GALNTL6: variants seen among roughly 807,000 people sequenced by gnomAD.
GALNTL6 encodes polypeptide N-acetylgalactosaminyltransferase-like 6.
In GALNTL6, 46 loss-of-function variants were observed where a neutral mutation model predicts 73.7. That is an observed-to-expected ratio of 0.62 (90% CI 0.49 to 0.80). The LOEUF (loss-of-function observed/expected upper bound fraction) is 0.80, where lower values mean the gene tolerates loss of function less well. Among genes scored for constraint, GALNTL6 ranks in the 30% least tolerant of loss-of-function variants. The probability of loss-of-function intolerance (pLI) is 0.00; values close to 1 mark genes in which losing one functional copy is unlikely to be tolerated. For missense variants in GALNTL6, 604 were observed against 755.0 expected, an observed-to-expected ratio of 0.80 and a Z score of 2.34; for synonymous variants, 259 against 263.7, an observed-to-expected ratio of 0.98 and a Z score of 0.17.
At chr4:172,345,277 AAGG>A (rs1312948328) in intron 4 of GALNTL6, among the ~76,000 whole-genome samples, 21 of 152,162 alleles carry the variant, frequency 1.4e-4, no homozygotes, top group African/African-American at 5.1e-4. Flanking sequence ...ATGAAATAGT[AAGG>A]AGTTTATAAT....
intron 11 of GALNTL6, among the ~76,000 whole-genome samples, chr4:173,016,596 A>G (rs1419172484): frequency 6.6e-6 from 1 of 152,206 alleles, no homozygotes; most frequent in Non-Finnish European, 1.5e-5. Flanking sequence ...TTTCTCCCAT[A>G]TGGAATGGCT....
chr4:172,550,694 C>T (rs10024704), intron 5 of GALNTL6, among the ~76,000 whole-genome samples: 6,811 of 152,220 alleles, frequency 0.045, 482 homozygotes, highest in African/African-American at 0.15. Flanking sequence ...AACTCCTGGG[C>T]TCCAGCCATC....
intron 2 of GALNTL6, among the ~76,000 whole-genome samples, chr4:172,046,845 C>A (rs775789332): frequency 6.6e-6 from 1 of 152,038 alleles, no homozygotes; most frequent in Non-Finnish European, 1.5e-5. Flanking sequence ...TAATTATTTT[C>A]TTTGCAGTGC....
chr4:172,831,107 GAGA>G (rs929599744), intron 7 of GALNTL6, among the ~76,000 whole-genome samples: 4 of 136,054 alleles, frequency 2.9e-5, no homozygotes, highest in Non-Finnish European at 4.6e-5. Flanking sequence ...GCAGTGAGCG[GAGA>G]TCGCACCACT....
At chr4:172,073,704 G>A (rs572650992) in intron 2 of GALNTL6, among the ~76,000 whole-genome samples, 6 of 152,212 alleles carry the variant, frequency 3.9e-5, no homozygotes, top group Non-Finnish European at 8.8e-5. Context: ...TTAAGTACAG[G>A]ATAATCCATT....
chr4:173,009,123 C>A lies in GALNTL6; in HGVS notation c.1372-55C>A. 2.6e-6 allele frequency: 3 copies of A among 1,133,116 alleles called. 1 individual carries two copies. The highest frequency in any genetic ancestry group is 2.5e-5 in the South Asian group (2 of 81,130). 70.2% of individuals were successfully genotyped at this position (1,133,116 alleles called of 1,614,324 possible). On this transcript the variant is annotated intron_variant, in intron 10 of 12. Transcript: ENST00000506823. Reference sequence around the variant, plus strand: ...TAATCTACACCATGGTTGTTAGGAGCCAATGATAAAATACGACATAGCCCC... The same window carrying A: ...TAATCTACACCATGGTTGTTAGGAGACAATGATAAAATACGACATAGCCCC...
At chr4:172,078,422 A>C (rs1040669357) in intron 2 of GALNTL6, among the ~76,000 whole-genome samples, 2 of 152,144 alleles carry the variant, frequency 1.3e-5, no homozygotes, top group African/African-American at 4.8e-5. Flanking sequence ...ACTGTGAGTC[A>C]ATTAAACCTT....
chr4:172,814,691 G>A (rs1228796568), intron 7 of GALNTL6, among the ~76,000 whole-genome samples: 1 of 152,034 alleles, frequency 6.6e-6, no homozygotes, highest in African/African-American at 2.4e-5. Context: ...AGAAGCTACT[G>A]AGTACGAAAA....
chr4:172,701,436 A>G (rs1734021849), intron 5 of GALNTL6, among the ~76,000 whole-genome samples: 1 of 152,140 alleles, frequency 6.6e-6, no homozygotes, highest in Non-Finnish European at 1.5e-5. Context: ...CATCCAGGCC[A>G]ACAGGTCAGA....
chr4:172,320,436 A>C (rs1480680841), intron 4 of GALNTL6, among the ~76,000 whole-genome samples: 1 of 152,218 alleles, frequency 6.6e-6, no homozygotes, highest in East Asian at 1.9e-4. Context: ...TTCCCAAAGA[A>C]ACTGACTTCT....
chr4:172,874,480 T>C lies in GALNTL6; in HGVS notation c.924-8310T>C, dbSNP rs143960533. ...AGGTCATGTTGGAGGACAAATGAGG[T>C]GGGAAACAGGAGGGTTTCAGAGTCC... On this transcript the variant is annotated intron_variant, in intron 7 of 12. Transcript: ENST00000506823. Among the ~76,000 whole-genome samples, 591 of 152,100 alleles carry C rather than the reference T, an allele frequency of 3.9e-3. 2 individuals carry two copies. Among genetic ancestry groups the C allele is most frequent in the African/African-American group, 0.014 (570 of 41,478 alleles).
At chr4:172,649,704 C>T (rs1740392338) in intron 5 of GALNTL6, among the ~76,000 whole-genome samples, 1 of 151,994 alleles carries the variant, frequency 6.6e-6, no homozygotes, top group South Asian at 2.1e-4. Context: ...TAATTAAGTA[C>T]GAAGTGTAGA....
intron 11 of GALNTL6, among the ~76,000 whole-genome samples, chr4:173,019,628 A>G (rs1053089184): frequency 2.0e-5 from 3 of 152,226 alleles, no homozygotes; most frequent in Admixed American, 2.0e-4. Flanking sequence ...CTAGGAAAAA[A>G]GACTACACAA....
intron 7 of GALNTL6, among the ~76,000 whole-genome samples, chr4:172,848,396 C>T (rs774997262): frequency 2.6e-4 from 40 of 152,188 alleles, no homozygotes; most frequent in Middle Eastern, 3.4e-3. Flanking sequence ...ATGTAATTAA[C>T]ATAATAATAT....
chr4:172,390,640 T>C (rs1743631654), intron 5 of GALNTL6, among the ~76,000 whole-genome samples: 1 of 152,186 alleles, frequency 6.6e-6, no homozygotes, highest in Non-Finnish European at 1.5e-5. Context: ...CAGTGTTACC[T>C]ATGGTTTTGG....
intron 7 of GALNTL6, among the ~76,000 whole-genome samples, chr4:172,827,642 A>G (rs1460242079): frequency 1.3e-5 from 2 of 152,132 alleles, no homozygotes; most frequent in African/African-American, 4.8e-5. Flanking sequence ...CCCGCTTTCA[A>G]CAAATCATTG....
intron 5 of GALNTL6, among the ~76,000 whole-genome samples, chr4:172,499,410 G>C (rs747163581): frequency 9.2e-5 from 14 of 152,264 alleles, no homozygotes; most frequent in Non-Finnish European, 1.6e-4. Flanking sequence ...CAGCACCTTC[G>C]TCTTAGATTT....
chr4:171,928,949 T>A (rs62326314), intron 2 of GALNTL6, among the ~76,000 whole-genome samples: 33,750 of 152,216 alleles, frequency 0.22, 3,997 homozygotes, highest in Middle Eastern at 0.29. Context: ...CACATGGCTA[T>A]AATATAAGAA....
intron 2 of GALNTL6, among the ~76,000 whole-genome samples, chr4:172,215,490 CTCT>C (rs1736468018): frequency 6.6e-6 from 1 of 152,076 alleles, no homozygotes; most frequent in Non-Finnish European, 1.5e-5. Flanking sequence ...TAATCTTCCT[CTCT>C]TCTTGTGAAG....
Sources: gnomAD v4.1 joint callset for allele counts (sites outside exome capture counted in the v4.1 genomes callset) on GRCh38, gnomAD v4.1.1 for gene constraint, MANE v1.5 for transcripts, NCBI Gene and HGNC (gene_info 2026-07-23, HGNC 2026-07-21) for gene names.